ACBD6: variants seen among roughly 807,000 people sequenced by gnomAD.
ACBD6 encodes acyl-CoA-binding domain-containing protein 6.
A neutral mutation model predicts 37.2 loss-of-function variants in ACBD6; 28 were observed. That is an observed-to-expected ratio of 0.75 (90% CI 0.56 to 1.03). ACBD6 has a LOEUF of 1.03. Ranked by LOEUF, ACBD6 falls within the 50% of genes least tolerant of loss-of-function variation. ACBD6 has a pLI of 0.00. For missense variants in ACBD6, 340 were observed against 337.4 expected (o/e 1.01, Z -0.06); for synonymous variants, 113 against 126.8 (o/e 0.89, Z 0.73).
At chr1:180,453,800 G>T (rs1247241515) in intron 3 of ACBD6, among the ~76,000 whole-genome samples, 1 of 152,046 alleles carries the variant, frequency 6.6e-6, no homozygotes, top group Admixed American at 6.6e-5. Context: ...ATTCAAAACT[G>T]CTACAAAGAA....
At position 180,492,378 on chromosome 1, in the gene ACBD6, A is replaced by C; in HGVS notation, c.288-13T>G. 1.2e-6 allele frequency: 2 copies of C among 1,604,282 alleles called. No homozygotes were observed. The highest frequency in any genetic ancestry group is 1.7e-6 in the Non-Finnish European group (2 of 1,171,138). On this transcript the variant is annotated splice_polypyrimidine_tract_variant and intron_variant, in intron 2 of 7. Transcript: ENST00000367595. ...TTTCCAAGCTTCCCTACAATATGGA[A>C]TATCCAAAATGGCCTGTCATTATGC...
intron 6 of ACBD6, among the ~76,000 whole-genome samples, chr1:180,391,448 C>T (rs962930212): frequency 2.0e-5 from 3 of 152,004 alleles, no homozygotes; most frequent in African/African-American, 7.2e-5. Flanking sequence ...TCTTATAACT[C>T]AATAATAAAG....
intron 3 of ACBD6, among the ~76,000 whole-genome samples, chr1:180,438,627 G>T (rs1649152717): frequency 1.3e-5 from 2 of 152,110 alleles, no homozygotes; most frequent in South Asian, 4.1e-4. Flanking sequence ...TAGGTTTACA[G>T]AAAAATGAAC....
intron 6 of ACBD6, among the ~76,000 whole-genome samples, chr1:180,375,781 A>G (rs908221066): frequency 7.9e-5 from 12 of 152,324 alleles, no homozygotes; most frequent in African/African-American, 2.6e-4. Flanking sequence ...CTCTCTTGAA[A>G]AGGCTTTTAA....
intron 6 of ACBD6, among the ~76,000 whole-genome samples, chr1:180,339,413 C>T (rs546165677): frequency 2.0e-5 from 3 of 152,316 alleles, no homozygotes; most frequent in African/African-American, 7.2e-5. Context: ...CCGTCATTCT[C>T]AGCAAACTAT....
intron 7 of ACBD6, among the ~76,000 whole-genome samples, chr1:180,295,563 G>C (rs1418342650): frequency 6.6e-6 from 1 of 151,578 alleles, no homozygotes. Flanking sequence ...ATTTAAGCAA[G>C]TCTATCGGTG....
At chr1:180,276,034 T>C (rs1649007411) in intron 9 of ACBD6, 1 of 152,254 alleles carries the variant, frequency 6.6e-6, no homozygotes, top group Non-Finnish European at 1.5e-5. Flanking sequence ...CAGGAAGCTC[T>C]CCATGTGCAA....
chr1:180,448,165 T>C (rs1001113038), intron 3 of ACBD6, among the ~76,000 whole-genome samples: 3 of 152,188 alleles, frequency 2.0e-5, no homozygotes, highest in African/African-American at 4.8e-5. Flanking sequence ...CCTAATGGCC[T>C]TGTAAAATGG....
intron 6 of ACBD6, among the ~76,000 whole-genome samples, chr1:180,319,279 G>A (rs527660328): frequency 6.6e-6 from 1 of 152,280 alleles, no homozygotes; most frequent in South Asian, 2.1e-4. Flanking sequence ...TATACTGTGT[G>A]CTCAATAAAT....
chr1:180,344,747 C>T (rs1232267096), intron 6 of ACBD6, among the ~76,000 whole-genome samples: 2 of 152,212 alleles, frequency 1.3e-5, no homozygotes, highest in Non-Finnish European at 2.9e-5. Context: ...TATAACTTGC[C>T]TAAGGTCCCA....
intron 5 of ACBD6, among the ~76,000 whole-genome samples, chr1:180,403,391 A>G (rs1416673486): frequency 6.6e-6 from 1 of 152,220 alleles, no homozygotes; most frequent in African/African-American, 2.4e-5. Context: ...AGTTATACGC[A>G]TGTTAAAATA....
intron 1 of ACBD6, among the ~76,000 whole-genome samples, chr1:180,499,175 T>C (rs1651855563): frequency 1.3e-5 from 2 of 152,182 alleles, no homozygotes; most frequent in Non-Finnish European, 2.9e-5. Flanking sequence ...GCCTACAAAA[T>C]AGGGTGCTAT....
intron 3 of ACBD6, among the ~76,000 whole-genome samples, chr1:180,446,224 G>A (rs1649469378): frequency 6.7e-6 from 1 of 148,900 alleles, no homozygotes; most frequent in Admixed American, 6.7e-5. Flanking sequence ...TGTCACCCAT[G>A]CTGGTCTTTA....
intron 6 of ACBD6, among the ~76,000 whole-genome samples, chr1:180,355,981 T>C (rs1047465592): frequency 7.3e-5 from 11 of 151,252 alleles, no homozygotes; most frequent in African/African-American, 2.7e-4. Flanking sequence ...AATTCTCCTG[T>C]CTCAGCCTCC....
chr1:180,418,178 T>C (rs1277158055), intron 4 of ACBD6, among the ~76,000 whole-genome samples: 1 of 152,140 alleles, frequency 6.6e-6, no homozygotes, highest in Non-Finnish European at 1.5e-5. Flanking sequence ...TTTATAAATA[T>C]AAAACAATCA....
intron 6 of ACBD6, among the ~76,000 whole-genome samples, chr1:180,338,214 A>T (rs1201221352): frequency 6.6e-6 from 1 of 152,206 alleles, no homozygotes; most frequent in African/African-American, 2.4e-5. Context: ...AAAAGAGCCC[A>T]CATTGCCAAG....
chr1:180,364,693 T>C (rs760562976), intron 6 of ACBD6, among the ~76,000 whole-genome samples: 3 of 151,786 alleles, frequency 2.0e-5, no homozygotes, highest in Non-Finnish European at 2.9e-5. Flanking sequence ...GAGTCCTGCA[T>C]TAGGTGGGAG....
At chr1:180,424,019 GGAAAA>G (rs1648482788) in intron 4 of ACBD6, among the ~76,000 whole-genome samples, 1 of 152,016 alleles carries the variant, frequency 6.6e-6, no homozygotes, top group Non-Finnish European at 1.5e-5. Context: ...AACATTAAAT[GGAAAA>G]GAAATTTTAT....
At chr1:180,381,265 T>C (rs1286374380) in intron 6 of ACBD6, among the ~76,000 whole-genome samples, 2 of 152,120 alleles carry the variant, frequency 1.3e-5, no homozygotes, top group African/African-American at 2.4e-5. Context: ...ACAATAACAA[T>C]TGGGGACTTT....
Sources: gnomAD v4.1 joint callset for allele counts (sites outside exome capture counted in the v4.1 genomes callset) on GRCh38, gnomAD v4.1.1 for gene constraint, MANE v1.5 for transcripts, NCBI Gene and HGNC (gene_info 2026-07-23, HGNC 2026-07-21) for gene names.